Variants in GRID1 observed in about 807,000 individuals in gnomAD.
The protein encoded by GRID1 is glutamate receptor ionotropic, delta-1.
Under a neutral mutation model 98.0 loss-of-function variants are expected in GRID1, and 28 were observed. The ratio of observed to expected loss-of-function variants is 0.29; its 90% confidence interval spans 0.21 to 0.39. GRID1 has a LOEUF of 0.39. Ranked by LOEUF, GRID1 falls within the 10% of genes least tolerant of loss-of-function variation. The pLI, the probability that GRID1 is intolerant of heterozygous loss-of-function variation, is 1.00. For missense variants in GRID1, 1,111 were observed against 1,340.5 expected (o/e 0.83, Z 2.67); for synonymous variants, 553 against 538.5 (o/e 1.03, Z -0.37).
chr10:85,632,351 A>G (rs556851045), intron 13 of GRID1, among the ~76,000 whole-genome samples: 24 of 152,316 alleles, frequency 1.6e-4, no homozygotes, highest in African/African-American at 5.3e-4. Context: ...AATAAGCACC[A>G]TTTGTTCAAG....
chr10:85,814,172 C>A (rs1465038390), intron 8 of GRID1, among the ~76,000 whole-genome samples: 1 of 151,690 alleles, frequency 6.6e-6, no homozygotes, highest in Non-Finnish European at 1.5e-5. Flanking sequence ...GGACAAAAAG[C>A]AATACCCTGC....
chr10:86,026,617 T>C (rs1386149394), intron 4 of GRID1, among the ~76,000 whole-genome samples: 3 of 152,214 alleles, frequency 2.0e-5, no homozygotes, highest in East Asian at 1.9e-4. Context: ...AAACCTAATA[T>C]GTACTTAACA....
chr10:86,351,762 A>ACCATC (rs1848465564), intron 2 of GRID1, among the ~76,000 whole-genome samples: 1 of 152,210 alleles, frequency 6.6e-6, no homozygotes, highest in Non-Finnish European at 1.5e-5. Context: ...ACAAGCAGTG[A>ACCATC]CCATCCCCAT....
chr10:85,932,343 C>T (rs947118129), intron 4 of GRID1, among the ~76,000 whole-genome samples: 7 of 152,184 alleles, frequency 4.6e-5, no homozygotes, highest in African/African-American at 1.7e-4. Flanking sequence ...TCCTGAGTAG[C>T]TATTACTACA....
intron 4 of GRID1, among the ~76,000 whole-genome samples, chr10:86,083,776 C>G (rs774892026): frequency 6.6e-5 from 10 of 152,232 alleles, no homozygotes; most frequent in Non-Finnish European, 7.3e-5. Flanking sequence ...ATGACCTCCA[C>G]TCAGCATGCA....
intron 2 of GRID1, among the ~76,000 whole-genome samples, chr10:86,344,381 C>A (rs1351925691): frequency 6.6e-6 from 1 of 152,216 alleles, no homozygotes; most frequent in Non-Finnish European, 1.5e-5. Flanking sequence ...AGGGACTCAG[C>A]CCAGCCACAG....
intron 2 of GRID1, among the ~76,000 whole-genome samples, chr10:86,279,431 C>T (rs2492745): frequency 0.92 from 140,366 of 152,318 alleles, 65,408 homozygotes; most frequent in African/African-American, 0.96. Context: ...TAATACATCA[C>T]GACTAAGTAA....
chr10:86,231,086 T>A (rs1383418571), intron 2 of GRID1, among the ~76,000 whole-genome samples: 1 of 152,202 alleles, frequency 6.6e-6, no homozygotes, highest in Non-Finnish European at 1.5e-5. Flanking sequence ...TCTGTGGTGG[T>A]GGCCAGGGAC....
At chr10:86,202,815 C>T (rs1845972956) in intron 3 of GRID1, among the ~76,000 whole-genome samples, 1 of 152,192 alleles carries the variant, frequency 6.6e-6, no homozygotes, top group African/African-American at 2.4e-5. Context: ...GAGGAAGAAT[C>T]AGGCCTTGCC....
chr10:85,926,647 C>A lies in GRID1; in HGVS notation c.727-10408G>T, dbSNP rs138701751. On this transcript the variant is annotated intron_variant, in intron 4 of 15. Coordinates refer to ENST00000327946, the MANE Select transcript of GRID1 (RefSeq NM_017551.3). ...TGTGGCCCACCTGCCCAACGCCCAC[C>A]CCATTGCCAGCACAAAGCACCTGAA... Among the ~76,000 whole-genome samples, 257 of 152,236 alleles carry A rather than the reference C, an allele frequency of 1.7e-3. 1 individual carries two copies. Among genetic ancestry groups the A allele is most frequent in the Admixed American group, 3.5e-3 (53 of 15,300 alleles).
chr10:86,194,592 T>C (rs1845847612), intron 3 of GRID1, among the ~76,000 whole-genome samples: 1 of 152,120 alleles, frequency 6.6e-6, no homozygotes, highest in South Asian at 2.1e-4. Flanking sequence ...GTGTATGTTG[T>C]TTTAATTTTT....
rs7920284 is a variant in GRID1, at chr10:86,029,629, C to A, written c.726+109190G>T. 5.2e-3 allele frequency among the ~76,000 whole-genome samples: 789 copies of A among 152,004 alleles called. 10 individuals carry two copies. The highest frequency in any genetic ancestry group is 0.018 in the African/African-American group (748 of 41,418). ...GCTTATCATACATTTGTCATTAAAT[C>A]CTAGTCACATTAATTATTTTTAAGC... On this transcript the variant is annotated intron_variant, in intron 4 of 15. Transcript: ENST00000327946.
intron 13 of GRID1, among the ~76,000 whole-genome samples, chr10:85,631,234 G>T (rs1367337211): frequency 6.6e-6 from 1 of 152,188 alleles, no homozygotes; most frequent in Non-Finnish European, 1.5e-5. Context: ...TTCCTCCTCA[G>T]ATCTCCTTGA....
chr10:85,722,887 C>T (rs567901529), intron 12 of GRID1, 116 bp downstream of exon 12: 1 of 678,444 alleles, frequency 1.5e-6, no homozygotes, highest in East Asian at 3.3e-5. Context: ...TTCCAGGAGA[C>T]CATCAGTTTG....
intron 12 of GRID1, among the ~76,000 whole-genome samples, chr10:85,652,727 C>A (rs2132559228): frequency 6.6e-6 from 1 of 152,304 alleles, no homozygotes; most frequent in Admixed American, 6.5e-5. Flanking sequence ...CTGCTGCACA[C>A]TGATAAGCCT....
At chr10:85,659,250 C>T (rs1840937969) in intron 12 of GRID1, among the ~76,000 whole-genome samples, 1 of 152,158 alleles carries the variant, frequency 6.6e-6, no homozygotes, top group Non-Finnish European at 1.5e-5. Context: ...TACTCAAGGG[C>T]CCCAGGGCAG....
intron 4 of GRID1, among the ~76,000 whole-genome samples, chr10:85,929,574 G>A (rs747180579): frequency 7.9e-5 from 12 of 152,156 alleles, no homozygotes; most frequent in Non-Finnish European, 8.8e-5. Flanking sequence ...GCCTTGTGCC[G>A]TATAAGGGTA....
chr10:86,236,935 C>T (rs1004428598), intron 2 of GRID1, among the ~76,000 whole-genome samples: 3 of 152,124 alleles, frequency 2.0e-5, no homozygotes, highest in Admixed American at 6.5e-5. Flanking sequence ...ATGCTGGAGC[C>T]CCTGAGCACT....
chr10:86,030,170 C>G (rs1419762650), intron 4 of GRID1, among the ~76,000 whole-genome samples: 1 of 152,078 alleles, frequency 6.6e-6, no homozygotes, highest in African/African-American at 2.4e-5. Flanking sequence ...CACACCCTGG[C>G]TATGTAAAGA....
Sources: gnomAD v4.1 joint callset for allele counts (sites outside exome capture counted in the v4.1 genomes callset) on GRCh38, gnomAD v4.1.1 for gene constraint, MANE v1.5 for transcripts, NCBI Gene and HGNC (gene_info 2026-07-23, HGNC 2026-07-21) for gene names.